The following PIM1 variants were observed in gnomAD, a reference collection of about 807,000 sequenced individuals.
PIM1 encodes serine/threonine-protein kinase pim-1.
A neutral mutation model predicts 34.5 loss-of-function variants in PIM1; 9 were observed. That is an observed-to-expected ratio of 0.26 (90% CI 0.16 to 0.46). PIM1 has a LOEUF of 0.46. PIM1 is among the 20% of genes least tolerant of loss of function. PIM1 has a pLI of 1.00. For synonymous variants in PIM1, 199 were observed against 175.2 expected, an observed-to-expected ratio of 1.14 and a Z score of -1.07; for missense variants, 274 against 410.9, an observed-to-expected ratio of 0.67 and a Z score of 2.88.
In PIM1 at chr6:37,173,094, G is replaced by C; in HGVS notation, c.706G>C (p.Val236Leu). Residue 236 changes from valine (V) to leucine (L), a missense_variant, in exon 5 of 6, where the codon GTG becomes CTG. Around this residue, in one of 2 missense-constraint regions of PIM1, gnomAD observed 168 missense variants for 299.4 expected, o/e 0.56. Transcript: ENST00000373509. Reference sequence around the variant, plus strand: ...CCTGGGGATCCTGCTGTATGATATGGTGTGTGGAGATATTCCTTTCGAGCA... The same window carrying C: ...CCTGGGGATCCTGCTGTATGATATGCTGTGTGGAGATATTCCTTTCGAGCA... ...WSLGILLYDM[V>L]CGDIPFEHDE... 2.5e-6 allele frequency: 4 copies of C among 1,614,212 alleles called. No individual in the cohort carries two copies. The highest frequency in any genetic ancestry group is 2.5e-6 in the Non-Finnish European group (3 of 1,180,030).
Position 37,174,989 on chromosome 6 carries a change from A to T in PIM1, c.*898A>T, listed in dbSNP as rs1762381370. ...GCATTCTAACCTGGAGGTCAATGTT[A>T]TGTATTTATTTATTTATTTATTTGG... On this transcript the variant is annotated 3_prime_UTR_variant, in exon 6 of 6. Transcript: ENST00000373509. 8.6e-6 allele frequency: 2 copies of T among 233,484 alleles called. No individual in the cohort carries two copies. The highest frequency in any genetic ancestry group is 1.7e-5 in the Non-Finnish European group (2 of 118,046). 14.5% of individuals were successfully genotyped at this position (233,484 alleles called of 1,614,324 possible). A position where few individuals can be genotyped will look rare whatever the true frequency, so the allele number is the denominator to read the frequency against.
chr6:37,171,883 G>T (rs1406621465), intron 4 of PIM1, among the ~76,000 whole-genome samples: 1 of 152,168 alleles, frequency 6.6e-6, no homozygotes, highest in Non-Finnish European at 1.5e-5. Flanking sequence ...TATTTTATAA[G>T]GGAGTTAGTT....
chr6:37,174,284 T>C lies in PIM1; in HGVS notation c.*193T>C. ...TCCCAACAGTGGGGAAGAGTGACTC[T>C]CCAGGGGTCCTAGGCCTCAACTCCT... On this transcript the variant is annotated 3_prime_UTR_variant, in exon 6 of 6. Coordinates refer to ENST00000373509, the MANE Select transcript of PIM1 (RefSeq NM_002648.4). 1 of 509,992 alleles carries C rather than the reference T, an allele frequency of 2.0e-6. No homozygotes were observed. The highest frequency in any genetic ancestry group is 3.3e-5 in the East Asian group (1 of 30,196). 31.6% of individuals were successfully genotyped at this position (509,992 alleles called of 1,614,324 possible).
chr6:37,170,734 C>G lies in PIM1; in HGVS notation c.83-39C>G, dbSNP rs764924373. On this transcript the variant is annotated intron_variant, in intron 1 of 5. Coordinates refer to ENST00000373509, the MANE Select transcript of PIM1 (RefSeq NM_002648.4). ...TCCTGGGTGGGGAGCTGGCGGCTCG[C>G]GGGCCGGCACTGAGTCCCCGTGCTT... is the stretch of plus-strand genomic sequence containing the variant. The G allele has an allele frequency of 5.6e-6, 9 of 1,604,666 alleles. No individual in the cohort carries two copies. The East Asian group carries it at 1.8e-4, about 32-fold the overall frequency.
In PIM1 at chr6:37,174,888, T is replaced by G. The variant is rs1025838171; in HGVS notation, c.*797T>G. The G allele has an allele frequency of 9.0e-5, 21 of 233,624 alleles. No individual in the cohort carries two copies. The highest frequency in any genetic ancestry group is 1.5e-4 in the Non-Finnish European group (18 of 118,076). The allele number at this position is 233,624 out of a possible 1,614,324, so 14.5% of individuals were successfully genotyped here. ...TTGGCATGGTAGTATACAAAAAGAT[T>G]GTAGTGGATCTAATTTTTAAGAAAT... is the stretch of plus-strand genomic sequence containing the variant. On this transcript the variant is annotated 3_prime_UTR_variant, in exon 6 of 6. Coordinates refer to ENST00000373509, the MANE Select transcript of PIM1 (RefSeq NM_002648.4).
In PIM1 at chr6:37,171,051, G is replaced by T. The variant is rs767788800; in HGVS notation, c.240+20G>T. ...GAGCTGGTGAGTGCCCTGCAGGAGC[G>T]ACCCCCAGGATGAGTGGGTGGGGTG... On this transcript the variant is annotated intron_variant, in intron 3 of 5. Transcript: ENST00000373509. The T allele has an allele frequency of 6.2e-7, 1 of 1,613,950 alleles. No individual in the cohort carries two copies. The highest frequency in any genetic ancestry group is 8.5e-7 in the Non-Finnish European group (1 of 1,179,980).
Position 37,170,245 on chromosome 6 carries a change from CCGGCAG to C in PIM1, c.-329_-324del. Reference sequence around the variant, plus strand: ...GTCGGTGGCAGCGGCGGCGGCGGGACCGGCAGCAGCAGCAGCAGCAGCAGCAGCAGC... The same window carrying C: ...GTCGGTGGCAGCGGCGGCGGCGGGACCAGCAGCAGCAGCAGCAGCAGCAGC... On this transcript the variant is annotated 5_prime_UTR_variant, in exon 1 of 6. Coordinates refer to ENST00000373509, the MANE Select transcript of PIM1 (RefSeq NM_002648.4). 8.4e-7 allele frequency: 1 copy of C among 1,187,836 alleles called. No homozygotes were observed. The highest frequency in any genetic ancestry group is 6.3e-5 in the Admixed American group (1 of 15,906). 73.6% of individuals were successfully genotyped at this position (1,187,836 alleles called of 1,614,324 possible).
Position 37,175,067 on chromosome 6 carries a change from T to G in PIM1, c.*976T>G, listed in dbSNP as rs928776748. The G allele has an allele frequency of 1.7e-5, 4 of 233,520 alleles. No individual in the cohort carries two copies. The highest frequency in any genetic ancestry group is 8.8e-5 in the African/African-American group (4 of 45,344). The allele number at this position is 233,520 out of a possible 1,614,324, so 14.5% of individuals were successfully genotyped here. ...CTGCTGCCCTAGTTTTCTTTCCTCC[T>G]TTCCTCCTCTGACTTGGGGACCTTT... On this transcript the variant is annotated 3_prime_UTR_variant, in exon 6 of 6. Coordinates refer to ENST00000373509, the MANE Select transcript of PIM1 (RefSeq NM_002648.4).
chr6:37,171,553 G>A lies in PIM1; in HGVS notation c.607+62G>A, dbSNP rs1583397961. The A allele has an allele frequency of 4.5e-6, 7 of 1,555,246 alleles. No homozygotes were observed. In the East Asian group the frequency reaches 6.8e-5, roughly 15 times the overall value. ...CGGCCCGGCCCGGCCCAGTCCGGAG[G>A]CCTCGGCCAGTCTCCCGCGCCAGCC... On this transcript the variant is annotated intron_variant, in intron 4 of 5. Transcript: ENST00000373509.
In PIM1 at chr6:37,170,433, CCAGCCGCAGCCA is replaced by C; in HGVS notation, c.-134_-123del. On this transcript the variant is annotated 5_prime_UTR_variant, in exon 1 of 6. Transcript: ENST00000373509. ...TCCGACTCGCCCTCGGCCTTCCGCG[CCAGCCGCAGCCA>C]CAGCCGCAACGCCACCCGCAGCCAC... is the stretch of plus-strand genomic sequence containing the variant. The C allele has an allele frequency of 1.0e-5, 16 of 1,537,940 alleles. No individual in the cohort carries two copies. The highest frequency in any genetic ancestry group is 3.6e-5 in the South Asian group (3 of 84,410).
rs1157925651 is a variant in PIM1 at position 37,170,254 on chromosome 6, G to T, written c.-322G>T. ...AGCGGCGGCGGCGGGACCGGCAGCAGCAGCAGCAGCAGCAGCAGCAGCAAC... is the reference window on the plus strand; with the variant it reads ...AGCGGCGGCGGCGGGACCGGCAGCATCAGCAGCAGCAGCAGCAGCAGCAAC... On this transcript the variant is annotated 5_prime_UTR_variant, in exon 1 of 6. Transcript: ENST00000373509. The T allele has an allele frequency of 2.6e-5, 33 of 1,289,386 alleles. No individual in the cohort carries two copies. In the African/African-American group the frequency reaches 4.8e-4, roughly 19 times the overall value. The allele number at this position is 1,289,386 out of a possible 1,614,324, so 79.9% of individuals were successfully genotyped here.
In PIM1 at chr6:37,171,224, G is replaced by C. The variant is rs779562379; in HGVS notation, c.340G>C (p.Asp114His). Residue 114 changes from aspartate to histidine, a missense_variant, in exon 4 of 6, where the codon GAC becomes CAC. Physicochemically the swap from Asp to His is moderately conservative, Grantham distance 81 (BLOSUM62 -1). Around this residue, in one of 2 missense-constraint regions of PIM1, gnomAD observed 168 missense variants for 299.4 expected, o/e 0.56. Transcript: ENST00000373509. Reference sequence around the variant, plus strand: ...GCTCCTGGACTGGTTCGAGAGGCCCGACAGTTTCGTCCTGATCCTGGAGAG... The same window carrying C: ...GCTCCTGGACTGGTTCGAGAGGCCCCACAGTTTCGTCCTGATCCTGGAGAG... ...IRLLDWFERP[D>H]SFVLILERPE... 2.5e-6 allele frequency: 4 copies of C among 1,613,960 alleles called. No homozygotes were observed. The South Asian group carries it at 3.3e-5, about 13-fold the overall frequency.
chr6:37,172,803 T>G, intron 4 of PIM1, 193 bp from the exon 5 acceptor site: 1 of 691,650 alleles, frequency 1.4e-6, no homozygotes, highest in South Asian at 1.5e-5. Context: ...AGGTGGGTAA[T>G]GCTTTGGGTT....
chr6:37,173,928 C>G lies in PIM1; in HGVS notation c.785-6C>G, dbSNP rs772545983. 6 of 1,609,298 alleles carry G rather than the reference C, an allele frequency of 3.7e-6. No individual in the cohort carries two copies. The highest frequency in any genetic ancestry group is 3.4e-6 in the Non-Finnish European group (4 of 1,177,700). On this transcript the variant is annotated splice_polypyrimidine_tract_variant and splice_region_variant and intron_variant, in intron 5 of 5. Coordinates refer to ENST00000373509, the MANE Select transcript of PIM1 (RefSeq NM_002648.4). The stretch of plus-strand genomic sequence containing the variant: ...TTCATAACCTCGTCTATCCTCCTTT[C>G]TGCAGAATGTCAGCATCTCATTAGA...
chr6:37,170,994 A>G lies in PIM1; in HGVS notation c.203A>G (p.His68Arg), dbSNP rs536789134. The G allele has an allele frequency of 6.2e-7, 1 of 1,613,872 alleles. No individual in the cohort carries two copies. Among genetic ancestry groups the G allele is most frequent in the Non-Finnish European group, 8.5e-7 (1 of 1,179,940 alleles). ...CTGGGCTTCCAGGTGGCCATCAAAC[A>G]CGTGGAGAAGGACCGGATTTCCGAC... ...VSDNLPVAIK[H>R]VEKDRISDWG... is the part of the protein sequence containing the mutation. The change falls in exon 3 of 6, where the codon CAC (histidine) becomes CGC (arginine). Residue 68 changes from histidine (H) to arginine (R), a missense_variant. By Grantham distance (29) the His-to-Arg change is conservative. Coordinates refer to ENST00000373509, the MANE Select transcript of PIM1 (RefSeq NM_002648.4).
rs9470511 is a variant in PIM1 at position 37,174,105 on chromosome 6, A to T, written c.*14A>T. 1.2e-3 allele frequency: 1,917 copies of T among 1,609,250 alleles called. 27 individuals carry two copies. In the African/African-American group the frequency reaches 0.022, roughly 18 times the overall value. ...CCCAGCAAATAGCAGCCTTTCTGGC[A>T]GGTCCTCCCCTCTCTTGTCAGATGC... On this transcript the variant is annotated 3_prime_UTR_variant, in exon 6 of 6. Transcript: ENST00000373509.
chr6:37,171,527 T>TCGGCC lies in PIM1; in HGVS notation c.607+48_607+52dup, dbSNP rs753471610. 19 of 1,603,300 alleles carry TCGGCC rather than the reference T, an allele frequency of 1.2e-5. No individual in the cohort carries two copies. The East Asian group carries it at 2.7e-4, about 23-fold the overall frequency. On this transcript the variant is annotated intron_variant, in intron 4 of 5. Coordinates refer to ENST00000373509, the MANE Select transcript of PIM1 (RefSeq NM_002648.4). ...CCCGGGAGGGAGCTGCCCAGGTGACTCGGCCCGGCCCGGCCCAGTCCGGAG... is the reference window on the plus strand; with the variant it reads ...CCCGGGAGGGAGCTGCCCAGGTGACTCGGCCCGGCCCGGCCCGGCCCAGTCCGGAG...
rs747872030 is a variant in PIM1, at chr6:37,171,162, T to A, written c.278T>A (p.Leu93Gln). Residue 93 changes from leucine to glutamine, a missense_variant, in exon 4 of 6, where the codon CTG (leucine) becomes CAG (glutamine). Physicochemically the swap from Leu to Gln is moderately radical, Grantham distance 113 (BLOSUM62 -2). Around this residue, in one of 2 missense-constraint regions of PIM1, gnomAD observed 168 missense variants for 299.4 expected, o/e 0.56. Coordinates refer to ENST00000373509, the MANE Select transcript of PIM1 (RefSeq NM_002648.4). ...GTRVPMEVVL[L>Q]KKVSSGFSGV... is the part of the protein sequence containing the mutation. ...CGAGTGCCCATGGAAGTGGTCCTGC[T>A]GAAGAAGGTGAGCTCGGGTTTCTCC... 6.2e-7 allele frequency: 1 copy of A among 1,614,076 alleles called. No individual in the cohort carries two copies. Among genetic ancestry groups the A allele is most frequent in the Non-Finnish European group, 8.5e-7 (1 of 1,179,984 alleles).
intron 4 of PIM1, 105 bp downstream of exon 4, chr6:37,171,596 G>C: frequency 1.4e-6 from 2 of 1,380,384 alleles, no homozygotes; most frequent in South Asian, 2.9e-5. Flanking sequence ...AAGGTCATTG[G>C]GCCGCCTGGC....
Sources: gnomAD v4.1 joint callset for allele counts (sites outside exome capture counted in the v4.1 genomes callset) on GRCh38, gnomAD v4.1.1 for gene constraint, gnomAD v4.1.1 regional missense constraint, MANE v1.5 for transcripts, NCBI Gene and HGNC (gene_info 2026-07-23, HGNC 2026-07-21) for gene names.